Variants in NTM observed in about 807,000 individuals in gnomAD.
NTM encodes the protein neurotrimin.
Under a neutral mutation model 42.1 loss-of-function variants are expected in NTM, and 13 were observed. The observed-to-expected ratio is 0.31, with a 90% confidence interval of 0.20 to 0.49. The LOEUF (loss-of-function observed/expected upper bound fraction) is 0.49, where lower values mean the gene tolerates loss of function less well. Ranked by LOEUF, NTM falls within the 20% of genes least tolerant of loss-of-function variation. The pLI, the probability that NTM is intolerant of heterozygous loss-of-function variation, is 0.99. For missense variants in NTM, 373 were observed against 452.8 expected, an observed-to-expected ratio of 0.82 and a Z score of 1.60; for synonymous variants, 187 against 179.2, an observed-to-expected ratio of 1.04 and a Z score of -0.35.
intron 1 of NTM, among the ~76,000 whole-genome samples, chr11:131,855,817 C>A (rs1340198368): frequency 3.3e-5 from 5 of 152,210 alleles, no homozygotes; most frequent in African/African-American, 1.2e-4. Flanking sequence ...GAGACCCCCA[C>A]CTCCCTGCAT....
intron 2 of NTM, among the ~76,000 whole-genome samples, chr11:131,912,263 G>A (rs1344701037): frequency 2.0e-5 from 3 of 152,140 alleles, no homozygotes; most frequent in Non-Finnish European, 2.9e-5. Flanking sequence ...TGATTTGTCC[G>A]TGGAAAATGG....
At chr11:131,974,085 A>T (rs2063957095) in intron 2 of NTM, among the ~76,000 whole-genome samples, 1 of 152,116 alleles carries the variant, frequency 6.6e-6, no homozygotes, top group South Asian at 2.1e-4. Flanking sequence ...TCTCTAGCTT[A>T]CTTTATTTTA....
chr11:131,477,248 T>TG (rs1413336522), intron 1 of NTM, among the ~76,000 whole-genome samples: 17 of 152,058 alleles, frequency 1.1e-4, no homozygotes, highest in Middle Eastern at 3.4e-3. Flanking sequence ...ATCTCAGAGA[T>TG]GAAAAAAAAC....
chr11:131,653,485 C>A (rs2066775417), intron 1 of NTM, among the ~76,000 whole-genome samples: 1 of 152,224 alleles, frequency 6.6e-6, no homozygotes, highest in Admixed American at 6.5e-5. Flanking sequence ...CACAGTGGGG[C>A]CTCTGTGTTT....
chr11:131,737,414 A>T lies in NTM; in HGVS notation c.83-174150A>T, dbSNP rs532434683. On this transcript the variant is annotated intron_variant, in intron 1 of 8. Coordinates refer to ENST00000683400, the MANE Select transcript of NTM (RefSeq NM_001352005.2). Reference sequence around the variant, plus strand: ...CTTTGTTCTGAAGTTCAGTTAGCACATTTGTTCCACTTCCCTTCTCAGTAG... The same window carrying T: ...CTTTGTTCTGAAGTTCAGTTAGCACTTTTGTTCCACTTCCCTTCTCAGTAG... Among the ~76,000 whole-genome samples, 67 of 152,300 alleles carry T rather than the reference A, an allele frequency of 4.4e-4. No individual in the cohort carries two copies. In the South Asian group the frequency reaches 0.013, roughly 29 times the overall value.
chr11:131,906,886 C>CTA (rs1157464921), intron 1 of NTM, among the ~76,000 whole-genome samples: 1 of 152,144 alleles, frequency 6.6e-6, no homozygotes, highest in Non-Finnish European at 1.5e-5. Context: ...ACATGTTGGA[C>CTA]TATAGCCCAG....
intron 2 of NTM, among the ~76,000 whole-genome samples, chr11:131,917,730 A>C (rs2056616561): frequency 6.6e-6 from 1 of 151,772 alleles, no homozygotes; most frequent in South Asian, 2.1e-4. Flanking sequence ...TGCTGCTCCC[A>C]CTGCCCTGCC....
chr11:131,375,077 G>A (rs767687856), intron 1 of NTM, among the ~76,000 whole-genome samples: 9 of 152,174 alleles, frequency 5.9e-5, no homozygotes, highest in South Asian at 4.1e-4. Context: ...CCCAATATGC[G>A]TGGTCTCCAG....
At chr11:132,082,285 T>A (rs903423471) in intron 2 of NTM, among the ~76,000 whole-genome samples, 1 of 151,972 alleles carries the variant, frequency 6.6e-6, no homozygotes, top group African/African-American at 2.4e-5. Context: ...ATTTATTAAG[T>A]GAAAGGAAAG....
At chr11:132,134,705 GTATATATATATATATATATATATATA>G (rs57297229) in intron 2 of NTM, among the ~76,000 whole-genome samples, 2,162 of 75,992 alleles carry the variant, frequency 0.028, 190 homozygotes, top group African/African-American at 0.031. Context: ...GTATTCCATG[GTATATATATATATATATATATATATA>G]TATATATATA....
intron 1 of NTM, among the ~76,000 whole-genome samples, chr11:131,849,589 G>A (rs962867544): frequency 6.6e-6 from 1 of 152,010 alleles, no homozygotes; most frequent in Non-Finnish European, 1.5e-5. Context: ...TCCAGCACTG[G>A]GGATTACAAC....
At chr11:132,182,461 G>C (rs2077715726) in intron 3 of NTM, among the ~76,000 whole-genome samples, 1 of 152,108 alleles carries the variant, frequency 6.6e-6, no homozygotes, top group South Asian at 2.1e-4. Flanking sequence ...ATAAAATCAG[G>C]GGAATAATAA....
intron 4 of NTM, among the ~76,000 whole-genome samples, chr11:132,247,501 T>G (rs1172475523): frequency 6.6e-6 from 1 of 152,182 alleles, no homozygotes; most frequent in East Asian, 1.9e-4. Flanking sequence ...TTAATAGATG[T>G]CTCTTCTTTC....
chr11:131,552,361 C>G (rs1465142964), intron 1 of NTM, among the ~76,000 whole-genome samples: 1 of 152,106 alleles, frequency 6.6e-6, no homozygotes, highest in Non-Finnish European at 1.5e-5. Context: ...CCATATGGCC[C>G]AGAAATTATA....
chr11:132,314,940 G>A lies in NTM; in HGVS notation c.934+237G>A, dbSNP rs200584996. On this transcript the variant is annotated intron_variant, in intron 7 of 8. Transcript: ENST00000683400. ...ATACAGTTTACATGTATACAAAGTAGTATATGTATAGTACATGTATAAAAG... is the reference window on the plus strand; with the variant it reads ...ATACAGTTTACATGTATACAAAGTAATATATGTATAGTACATGTATAAAAG... The A allele has an allele frequency of 3.8e-5, 48 of 1,254,954 alleles. No homozygotes were observed. In the East Asian group the frequency reaches 1.4e-3, roughly 35 times the overall value. The allele number at this position is 1,254,954 out of a possible 1,614,324, so 77.7% of individuals were successfully genotyped here.
intron 1 of NTM, among the ~76,000 whole-genome samples, chr11:131,382,756 G>C (rs908491986): frequency 3.9e-5 from 6 of 152,136 alleles, no homozygotes; most frequent in Admixed American, 3.9e-4. Context: ...CATTATCTTT[G>C]AAACATGACC....
chr11:132,208,803 A>G (rs1411914103), intron 3 of NTM, among the ~76,000 whole-genome samples: 1 of 152,212 alleles, frequency 6.6e-6, no homozygotes. Flanking sequence ...TGTGTTCACA[A>G]AGTCCATCAT....
intron 1 of NTM, chr11:131,777,088 A>G (rs1565533903): frequency 2.1e-6 from 2 of 957,412 alleles, no homozygotes; most frequent in Non-Finnish European, 2.5e-6. Context: ...TGTTGGAAGA[A>G]ATTATTGATT....
In NTM at chr11:132,266,245, C is replaced by T. The variant is rs539609052; in HGVS notation, c.527-41444C>T. ...AAGCCTACAGCAAGGGGCATTAACT[C>T]TCCGCAAGTCCAGCTGTGTCGCCCA... On this transcript the variant is annotated intron_variant, in intron 4 of 8. Coordinates refer to ENST00000683400, the MANE Select transcript of NTM (RefSeq NM_001352005.2). 9.2e-5 allele frequency among the ~76,000 whole-genome samples: 14 copies of T among 152,262 alleles called. No individual in the cohort carries two copies. The South Asian group carries it at 1.7e-3, about 18-fold the overall frequency.
Sources: gnomAD v4.1 joint callset for allele counts (sites outside exome capture counted in the v4.1 genomes callset) on GRCh38, gnomAD v4.1.1 for gene constraint, MANE v1.5 for transcripts, NCBI Gene and HGNC (gene_info 2026-07-23, HGNC 2026-07-21) for gene names.